ARID1B: variants seen among roughly 807,000 people sequenced by gnomAD.
ARID1B encodes the protein AT-rich interactive domain-containing protein 1B.
Under a neutral mutation model 212.3 loss-of-function variants are expected in ARID1B, and 30 were observed. That is an observed-to-expected ratio of 0.14 (90% CI 0.11 to 0.19). The LOEUF (loss-of-function observed/expected upper bound fraction) is 0.19, where lower values mean the gene tolerates loss of function less well. Among genes scored for constraint, ARID1B ranks in the 10% least tolerant of loss-of-function variants. ARID1B has a pLI of 1.00. For missense variants in ARID1B, 2,891 were observed against 3,204.0 expected (o/e 0.90, Z 2.36); for synonymous variants, 1,402 against 1,301.7 (o/e 1.08, Z -1.66).
At chr6:156,931,818 A>T (rs905079770) in intron 3 of ARID1B, among the ~76,000 whole-genome samples, 3 of 151,632 alleles carry the variant, frequency 2.0e-5, no homozygotes, top group Non-Finnish European at 4.4e-5. Flanking sequence ...CAAAATTAGC[A>T]AGGCATGGTG....
chr6:157,179,782 G>A (rs1792374639), intron 11 of ARID1B, among the ~76,000 whole-genome samples: 1 of 152,152 alleles, frequency 6.6e-6, no homozygotes, highest in Non-Finnish European at 1.5e-5. Context: ...TTCATTCTCA[G>A]GCATCCTTTC....
chr6:157,134,389 A>T (rs940601527), intron 7 of ARID1B, among the ~76,000 whole-genome samples: 1 of 152,190 alleles, frequency 6.6e-6, no homozygotes, highest in Admixed American at 6.5e-5. Flanking sequence ...GGGCTTTGTT[A>T]TATTTACTTT....
chr6:156,809,242 A>G (rs1184163764), intron 1 of ARID1B, among the ~76,000 whole-genome samples: 1 of 152,174 alleles, frequency 6.6e-6, no homozygotes, highest in Non-Finnish European at 1.5e-5. Context: ...AGCACGTGAG[A>G]GCCACATTGA....
intron 4 of ARID1B, chr6:156,976,191 A>C (rs1408086750): frequency 1.3e-5 from 2 of 152,842 alleles, no homozygotes; most frequent in African/African-American, 4.8e-5. Flanking sequence ...ACTTTTGTGA[A>C]TCTTCAGTTG....
At chr6:157,074,515 A>G (rs1784192213) in intron 4 of ARID1B, among the ~76,000 whole-genome samples, 1 of 152,178 alleles carries the variant, frequency 6.6e-6, no homozygotes, top group Non-Finnish European at 1.5e-5. Context: ...ATGAGACACC[A>G]TGCCCGGCCA....
At chr6:157,121,053 A>G (rs1787676871) in intron 6 of ARID1B, among the ~76,000 whole-genome samples, 1 of 152,178 alleles carries the variant, frequency 6.6e-6, no homozygotes, top group Non-Finnish European at 1.5e-5. Context: ...TACATTGCAG[A>G]ATTTGTTGTG....
chr6:157,002,883 A>G (rs1297004549), intron 4 of ARID1B, among the ~76,000 whole-genome samples: 3 of 152,252 alleles, frequency 2.0e-5, no homozygotes, highest in Admixed American at 2.0e-4. Context: ...GTAAGAAGAC[A>G]TCTCAGTGAC....
intron 1 of ARID1B, among the ~76,000 whole-genome samples, chr6:156,781,470 CGTT>C (rs1226495781): frequency 6.6e-6 from 1 of 151,906 alleles, no homozygotes; most frequent in Admixed American, 6.6e-5. Context: ...GAACAACAGT[CGTT>C]GTATGTATAT....
At chr6:157,059,022 G>T (rs1056915778) in intron 4 of ARID1B, among the ~76,000 whole-genome samples, 7 of 151,826 alleles carry the variant, frequency 4.6e-5, no homozygotes, top group African/African-American at 1.7e-4. Flanking sequence ...GTTTCAATGA[G>T]ATGAGTTATA....
chr6:157,107,064 G>A (rs912133252), intron 5 of ARID1B, among the ~76,000 whole-genome samples: 3 of 152,172 alleles, frequency 2.0e-5, no homozygotes, highest in Admixed American at 6.5e-5. Flanking sequence ...ACTGAGAAGG[G>A]TATGACATTT....
Position 156,778,889 on chromosome 6 carries a change from C to CGGAGGAGGAGGAGGAGGA in ARID1B, c.1217_1234dup (p.Gly406_Gly411dup). 2.2e-6 allele frequency: 3 copies of CGGAGGAGGAGGAGGAGGA among 1,366,502 alleles called. No homozygotes were observed. The highest frequency in any genetic ancestry group is 6.9e-5 in the Admixed American group (2 of 29,110). The allele number at this position is 1,366,502 out of a possible 1,614,324, so 84.6% of individuals were successfully genotyped here. On this transcript the variant is annotated inframe_insertion, in exon 1 of 20. Transcript: ENST00000636930. ...GCGGCGGCGGAGGAGGAGGAGGCAG[C>CGGAGGAGGAGGAGGAGGA]GGAGGAGGAGGAGGAGGAGGAGGAG...
chr6:156,820,615 G>C (rs953012842), intron 1 of ARID1B, among the ~76,000 whole-genome samples: 1 of 152,222 alleles, frequency 6.6e-6, no homozygotes, highest in African/African-American at 2.4e-5. Flanking sequence ...TGCGAGGTGA[G>C]TGTGACCGTA....
At chr6:157,173,064 G>C (rs139339670) in intron 9 of ARID1B, 6 of 152,208 alleles carry the variant, frequency 3.9e-5, no homozygotes, top group African/African-American at 1.4e-4. Flanking sequence ...CCAGTGTTGC[G>C]CAGATGGTTT....
At chr6:156,898,584 C>T (rs993733100) in intron 2 of ARID1B, among the ~76,000 whole-genome samples, 3 of 152,216 alleles carry the variant, frequency 2.0e-5, no homozygotes, top group Admixed American at 1.3e-4. Context: ...TTTCATAATA[C>T]TATTCAGTTT....
chr6:156,905,250 G>GCGCGCGCA (rs1554265935), intron 3 of ARID1B, among the ~76,000 whole-genome samples: 11 of 143,838 alleles, frequency 7.6e-5, no homozygotes, highest in African/African-American at 2.6e-4. Context: ...ACATATGCAC[G>GCGCGCGCA]CACACACACA....
chr6:157,126,800 T>C, intron 6 of ARID1B, among the ~76,000 whole-genome samples: 2 of 152,346 alleles, frequency 1.3e-5, no homozygotes, highest in Admixed American at 1.3e-4. Flanking sequence ...CATTTTATAT[T>C]TTCTGAATTT....
At chr6:156,912,777 C>T (rs1037654641) in intron 3 of ARID1B, among the ~76,000 whole-genome samples, 1 of 152,192 alleles carries the variant, frequency 6.6e-6, no homozygotes, top group East Asian at 1.9e-4. Flanking sequence ...GCTCTGTGCC[C>T]TTGGTCCACT....
intron 11 of ARID1B, among the ~76,000 whole-genome samples, chr6:157,180,571 G>A (rs913194905): frequency 6.6e-6 from 1 of 152,050 alleles, no homozygotes; most frequent in Non-Finnish European, 1.5e-5. Flanking sequence ...AATGTTTTGG[G>A]CTCTATAATA....
At chr6:156,928,432 C>A (rs1206578359) in intron 3 of ARID1B, among the ~76,000 whole-genome samples, 1 of 152,106 alleles carries the variant, frequency 6.6e-6, no homozygotes, top group Non-Finnish European at 1.5e-5. Context: ...TGCTCTCCTT[C>A]GGTGAGGTGG....
Sources: gnomAD v4.1 joint callset for allele counts (sites outside exome capture counted in the v4.1 genomes callset) on GRCh38, gnomAD v4.1.1 for gene constraint, MANE v1.5 for transcripts, NCBI Gene and HGNC (gene_info 2026-07-23, HGNC 2026-07-21) for gene names.